DZIP1: variants seen among roughly 807,000 people sequenced by gnomAD.
DZIP1 encodes DAZ interacting zinc finger protein 1.
In DZIP1, 97 loss-of-function variants were observed where a neutral mutation model predicts 107.6. The observed-to-expected ratio is 0.90, with a 90% CI of 0.77 to 1.07. DZIP1 has a LOEUF of 1.07. Ranked by LOEUF, DZIP1 falls within the 50% of genes least tolerant of loss-of-function variation. DZIP1 has a pLI of 0.00. For synonymous variants in DZIP1, 390 were observed against 386.4 expected (o/e 1.01, Z -0.11); for missense variants, 1,035 against 1,063.6 (o/e 0.97, Z 0.37).
rs2044757747 is a variant in DZIP1, at chr13:95,605,903, T to G, written c.1477+100A>C. 3 of 1,222,986 alleles carry G rather than the reference T, an allele frequency of 2.5e-6. No homozygotes were observed. The South Asian group carries it at 4.0e-5, about 16-fold the overall frequency. The allele number at this position is 1,222,986 out of a possible 1,614,324, so 75.8% of individuals were successfully genotyped here. The stretch of plus-strand genomic sequence containing the variant: ...TGCAATCACTAAAATGTTTCCTGTT[T>G]TATTATTAATTACCTCCACATAATC... On this transcript the variant is annotated intron_variant, in intron 14 of 22. Coordinates refer to ENST00000376829, the MANE Select transcript of DZIP1 (RefSeq NM_198968.4).
At chr13:95,590,723 G>A (rs1566365489) in intron 16 of DZIP1, among the ~76,000 whole-genome samples, 1 of 152,252 alleles carries the variant, frequency 6.6e-6, no homozygotes, top group South Asian at 2.1e-4. Flanking sequence ...CAGGGAGGGA[G>A]GCCATCGAAG....
intron 9 of DZIP1, among the ~76,000 whole-genome samples, chr13:95,620,489 T>G (rs2139238671): frequency 6.6e-6 from 1 of 152,342 alleles, no homozygotes; most frequent in East Asian, 1.9e-4. Flanking sequence ...GCATCTGGTT[T>G]TAATCTTTTA....
At chr13:95,612,992 T>G (rs1481801617) in intron 10 of DZIP1, among the ~76,000 whole-genome samples, 2 of 146,996 alleles carry the variant, frequency 1.4e-5, no homozygotes, top group Non-Finnish European at 3.0e-5. Context: ...AGAGGGGGAA[T>G]GGTGGGGATT....
At chr13:95,627,874 A>G (rs1876729866) in intron 7 of DZIP1, among the ~76,000 whole-genome samples, 1 of 150,836 alleles carries the variant, frequency 6.6e-6, no homozygotes, top group Admixed American at 6.6e-5. Flanking sequence ...CCAAAAGGTG[A>G]AAATGAATCA....
At chr13:95,594,248 T>C (rs2044384475) in intron 15 of DZIP1, among the ~76,000 whole-genome samples, 162 bp from the exon 16 acceptor site, 1 of 152,236 alleles carries the variant, frequency 6.6e-6, no homozygotes, top group Non-Finnish European at 1.5e-5. Context: ...TACAGAATGC[T>C]TAAGTTATGC....
At chr13:95,629,209 T>C (rs988274501) in intron 7 of DZIP1, among the ~76,000 whole-genome samples, 6 of 152,208 alleles carry the variant, frequency 3.9e-5, no homozygotes, top group Non-Finnish European at 7.3e-5. Context: ...TTGATGGCCT[T>C]ACTCTCTCCA....
At chr13:95,644,137 C>A (rs1878843105) in intron 1 of DZIP1, among the ~76,000 whole-genome samples, 1 of 152,208 alleles carries the variant, frequency 6.6e-6, no homozygotes, top group South Asian at 2.1e-4. Flanking sequence ...GTCCCAGGCG[C>A]ATGGCACCGC....
rs1878511322 is a variant in DZIP1, at chr13:95,641,602, GTGATGTTCA to G, written c.281_289del (p.Met94_Ile96del). 6.2e-7 allele frequency: 1 copy of G among 1,612,954 alleles called. No homozygotes were observed. Among genetic ancestry groups the G allele is most frequent in the Non-Finnish European group, 8.5e-7 (1 of 1,180,054 alleles). On this transcript the variant is annotated inframe_deletion, in exon 5 of 23. Transcript: ENST00000376829. The surrounding 1 kb of genome is among the most constrained non-coding windows in gnomAD (Gnocchi z 4.3). ...CTTCTCGTCTTCCAGCTTGCAGAAG[GTGATGTTCA>G]TGATGTTCTCCTGCAGCGTCAGCAC... is the stretch of plus-strand genomic sequence containing the variant.
At position 95,609,497 on chromosome 13, in the gene DZIP1, C is replaced by T; in HGVS notation, c.1380G>A (p.Trp460Ter). The part of the protein sequence containing the change: ...ISEPKGNPLA[W>*]QAFESQPAAP... Reference sequence around the variant, plus strand: ...CAGCTGGCTGAGATTCAAAAGCCTGCCAGGCTAAAGGATTTCCTGAAATGA... The same window carrying T: ...CAGCTGGCTGAGATTCAAAAGCCTGTCAGGCTAAAGGATTTCCTGAAATGA... The change falls in exon 13 of 23, where the codon TGG becomes TGA. Residue 460 changes from tryptophan (W) to a stop codon, truncating the protein, a stop_gained. Transcript: ENST00000376829. LOFTEE classifies it high-confidence loss of function. 1 of 1,584,532 alleles carries T rather than the reference C, an allele frequency of 6.3e-7. No homozygotes were observed. The highest frequency in any genetic ancestry group is 1.2e-5 in the South Asian group (1 of 85,528).
chr13:95,585,452 A>G (rs1421321659), intron 21 of DZIP1, among the ~76,000 whole-genome samples: 1 of 152,248 alleles, frequency 6.6e-6, no homozygotes, highest in East Asian at 1.9e-4. Flanking sequence ...ATTTGACAAA[A>G]TGCCCTGGAC....
rs1472004530 is a variant in DZIP1, at chr13:95,587,615, C to G, written c.2142G>C (p.Lys714Asn). 6.2e-7 allele frequency: 1 copy of G among 1,614,140 alleles called. No homozygotes were observed. Among genetic ancestry groups the G allele is most frequent in the Non-Finnish European group, 8.5e-7 (1 of 1,180,030 alleles). The change falls in exon 20 of 23, where the codon AAG (lysine) becomes AAC (asparagine). Residue 714 changes from lysine (K) to asparagine (N), a missense_variant. By Grantham distance (94) the Lys-to-Asn change is moderately conservative (BLOSUM62 0). Transcript: ENST00000376829. ...PPPQNKGSFG[K>N]NTVKSDADGT... is the part of the protein sequence containing the mutation. ...CGTCCGCGTCACTTTTCACTGTGTT[C>G]TTCCCGAAGCTGCCCTTGTTTTGTG...
At chr13:95,637,537 A>C (rs1877946315) in intron 5 of DZIP1, among the ~76,000 whole-genome samples, 1 of 152,088 alleles carries the variant, frequency 6.6e-6, no homozygotes, top group African/African-American at 2.4e-5. Flanking sequence ...CTAGGAGTTT[A>C]AGGCCAGCCT....
At chr13:95,644,024 T>A (rs1878827384) in intron 1 of DZIP1, among the ~76,000 whole-genome samples, 1 of 152,102 alleles carries the variant, frequency 6.6e-6, no homozygotes, top group South Asian at 2.1e-4. Flanking sequence ...CTTGCGTGGA[T>A]CTCGGTCACA....
At chr13:95,585,074 A>AT (rs2044126324) in intron 21 of DZIP1, among the ~76,000 whole-genome samples, 164 bp from the exon 22 acceptor site, 1 of 152,196 alleles carries the variant, frequency 6.6e-6, no homozygotes, top group Non-Finnish European at 1.5e-5. Context: ...AATGAAATAG[A>AT]TTTGGAAGTT....
intron 21 of DZIP1, 61 bp from the exon 22 acceptor site, chr13:95,584,971 A>G: frequency 6.9e-7 from 1 of 1,439,050 alleles, no homozygotes; most frequent in Non-Finnish European, 9.6e-7. Context: ...TCCCTCAATC[A>G]TTTTATTGGT....
chr13:95,584,910 A>G lies in DZIP1; in HGVS notation c.2350T>C (p.Cys784Arg). The change falls in exon 22 of 23, where the codon TGT (cysteine) becomes CGT (arginine). Residue 784 changes from cysteine (C) to arginine (R), a missense_variant and splice_region_variant. By Grantham distance (180) the Cys-to-Arg change is radical. Transcript: ENST00000376829. Reference sequence around the variant, plus strand: ...CAGTCTTCATCCTCCACATCCGCACACTAAAAGAAAGGCATGGAGAATAAT... The same window carrying G: ...CAGTCTTCATCCTCCACATCCGCACGCTAAAAGAAAGGCATGGAGAATAAT... Reference protein sequence around the residue: ...IKKEELQELKCADVEDEDWDI... With the variant: ...IKKEELQELKRADVEDEDWDI... 1 of 1,605,696 alleles carries G rather than the reference A, an allele frequency of 6.2e-7. No homozygotes were observed. The highest frequency in any genetic ancestry group is 8.5e-7 in the Non-Finnish European group (1 of 1,177,028).
intron 12 of DZIP1, 87 bp from the exon 13 acceptor site, chr13:95,609,600 T>TA: frequency 2.4e-6 from 2 of 847,972 alleles, no homozygotes; most frequent in Admixed American, 3.5e-5. Context: ...TGAGCCCCCA[T>TA]AAAAAACATA....
At chr13:95,584,629 T>TTC in intron 22 of DZIP1, 107 bp downstream of exon 22, 2 of 1,475,670 alleles carry the variant, frequency 1.4e-6, no homozygotes, top group Non-Finnish European at 1.8e-6. Flanking sequence ...ACTGACAGCT[T>TTC]TTTTGTCTGA....
intron 5 of DZIP1, among the ~76,000 whole-genome samples, chr13:95,634,372 T>C (rs1877553637): frequency 6.6e-6 from 1 of 152,248 alleles, no homozygotes; most frequent in South Asian, 2.1e-4. Flanking sequence ...CACTGGCTAA[T>C]ATTTTCACGT....
Sources: gnomAD v4.1 joint callset for allele counts (sites outside exome capture counted in the v4.1 genomes callset) on GRCh38, gnomAD v4.1.1 for gene constraint, Gnocchi (gnomAD v3.1) non-coding constraint, MANE v1.5 for transcripts, NCBI Gene and HGNC (gene_info 2026-07-23, HGNC 2026-07-21) for gene names.